The following PTPRD variants were observed in gnomAD, a reference collection of about 807,000 sequenced individuals.
PTPRD encodes the protein protein tyrosine phosphatase receptor type D.
A neutral mutation model predicts 214.5 loss-of-function variants in PTPRD; 34 were observed. The observed-to-expected ratio is 0.16, with a 90% CI of 0.12 to 0.21. PTPRD has a LOEUF of 0.21. Ranked by LOEUF, PTPRD falls within the 10% of genes least tolerant of loss-of-function variation. The pLI is 1.00. For synonymous variants in PTPRD, 1,128 were observed against 845.7 expected, an observed-to-expected ratio of 1.33 and a Z score of -5.79; for missense variants, 2,545 against 2,398.7, an observed-to-expected ratio of 1.06 and a Z score of -1.27.
intron 9 of PTPRD, among the ~76,000 whole-genome samples, chr9:9,281,360 C>T (rs563769619): frequency 2.8e-4 from 42 of 151,336 alleles, no homozygotes; most frequent in African/African-American, 9.7e-4. Flanking sequence ...TAATAAAAGA[C>T]TGTTATTCAA....
intron 11 of PTPRD, among the ~76,000 whole-genome samples, chr9:8,782,028 G>C (rs1016348853): frequency 6.7e-6 from 1 of 149,494 alleles, no homozygotes; most frequent in Non-Finnish European, 1.5e-5. Context: ...TGCATATTAT[G>C]TATGTTTATT....
At chr9:9,179,533 A>T (rs2099926886) in intron 10 of PTPRD, among the ~76,000 whole-genome samples, 2 of 152,138 alleles carry the variant, frequency 1.3e-5, no homozygotes, top group Non-Finnish European at 2.9e-5. Context: ...TTAAGCATCA[A>T]CAGTATTTTA....
At chr9:8,476,439 G>A (rs1156268138) in intron 30 of PTPRD, among the ~76,000 whole-genome samples, 1 of 152,062 alleles carries the variant, frequency 6.6e-6, no homozygotes, top group Non-Finnish European at 1.5e-5. Context: ...CATGGCCCAG[G>A]GGTTGGAGAT....
intron 12 of PTPRD, among the ~76,000 whole-genome samples, chr9:8,728,182 G>A (rs2098608071): frequency 6.6e-6 from 1 of 152,102 alleles, no homozygotes; most frequent in Non-Finnish European, 1.5e-5. Context: ...CCGAGGAGGC[G>A]GAGGTTGCGA....
At chr9:8,779,181 G>A (rs2095600336) in intron 11 of PTPRD, among the ~76,000 whole-genome samples, 1 of 152,142 alleles carries the variant, frequency 6.6e-6, no homozygotes, top group Non-Finnish European at 1.5e-5. Flanking sequence ...ATAACAGCAG[G>A]AAGACAGAGA....
At chr9:8,368,935 G>C (rs772409161) in intron 39 of PTPRD, among the ~76,000 whole-genome samples, 17 of 151,902 alleles carry the variant, frequency 1.1e-4, no homozygotes, top group Admixed American at 7.2e-4. Context: ...GACATAATTT[G>C]TACACTCCAC....
intron 4 of PTPRD, among the ~76,000 whole-genome samples, chr9:10,019,912 A>G (rs922911461): frequency 2.9e-5 from 4 of 136,488 alleles, no homozygotes; most frequent in Non-Finnish European, 6.7e-5. Flanking sequence ...CATGTACCCT[A>G]GAACTTAAAG....
At chr9:8,727,066 A>T (rs1197474479) in intron 12 of PTPRD, among the ~76,000 whole-genome samples, 28 of 152,168 alleles carry the variant, frequency 1.8e-4, no homozygotes, top group Admixed American at 1.8e-3. Flanking sequence ...AAGGGAATAA[A>T]ACCAGGAGAT....
intron 14 of PTPRD, among the ~76,000 whole-genome samples, chr9:8,575,482 C>A (rs2092193091): frequency 6.6e-6 from 1 of 152,086 alleles, no homozygotes; most frequent in Non-Finnish European, 1.5e-5. Flanking sequence ...TGTCTTAATT[C>A]TTGAAAATAA....
rs12000268 is a variant in PTPRD at position 9,069,106 on chromosome 9, C to T, written c.-142-50371G>A. Among the ~76,000 whole-genome samples the T allele has an allele frequency of 8.5e-3, 1,299 of 152,158 alleles. 22 individuals are homozygous for T. Among genetic ancestry groups the T allele is most frequent in the African/African-American group, 0.028 (1,151 of 41,526 alleles). ...GACTACAGTGTATGAGAAAACCTGA[C>T]GGAAGTTCTAAAGATATTGCTATAC... On this transcript the variant is annotated intron_variant, in intron 10 of 45. Transcript: ENST00000381196.
At chr9:10,196,011 G>C (rs1236567276) in intron 3 of PTPRD, among the ~76,000 whole-genome samples, 1 of 151,940 alleles carries the variant, frequency 6.6e-6, no homozygotes, top group Non-Finnish European at 1.5e-5. Flanking sequence ...TGGAGGAGGG[G>C]GATTGACTAT....
chr9:8,471,504 G>A (rs2096652476), intron 30 of PTPRD, among the ~76,000 whole-genome samples: 2 of 152,012 alleles, frequency 1.3e-5, no homozygotes, highest in African/African-American at 4.8e-5. Flanking sequence ...TTCACTCTTA[G>A]CCCACATAAA....
chr9:8,475,595 T>C (rs1468397709), intron 30 of PTPRD, among the ~76,000 whole-genome samples: 1 of 152,190 alleles, frequency 6.6e-6, no homozygotes, highest in African/African-American at 2.4e-5. Context: ...GTTACAAAAG[T>C]ACCCCCAATT....
chr9:8,558,099 A>G (rs1163503292), intron 14 of PTPRD, among the ~76,000 whole-genome samples: 1 of 152,180 alleles, frequency 6.6e-6, no homozygotes, highest in African/African-American at 2.4e-5. Flanking sequence ...TGTGTCAGAC[A>G]ATTTTTAAAA....
At chr9:9,019,855 C>T (rs2099556469) in intron 10 of PTPRD, among the ~76,000 whole-genome samples, 1 of 152,146 alleles carries the variant, frequency 6.6e-6, no homozygotes, top group South Asian at 2.1e-4. Context: ...TTGGCATTTT[C>T]TCAGTGATTT....
intron 8 of PTPRD, among the ~76,000 whole-genome samples, chr9:9,406,605 T>G (rs550071810): frequency 1.6e-4 from 24 of 152,012 alleles, no homozygotes; most frequent in Admixed American, 7.9e-4. Context: ...TTGATATATT[T>G]GATATGTTCT....
chr9:8,468,932 A>G (rs1365659977), intron 31 of PTPRD, among the ~76,000 whole-genome samples: 1 of 152,064 alleles, frequency 6.6e-6, no homozygotes, highest in African/African-American at 2.4e-5. Context: ...TCCAGAAGAT[A>G]TATCAAGGGC....
At chr9:9,673,262 G>C (rs1199808553) in intron 7 of PTPRD, among the ~76,000 whole-genome samples, 5 of 151,660 alleles carry the variant, frequency 3.3e-5, no homozygotes, top group Admixed American at 2.0e-4. Context: ...TTCCACCATT[G>C]AACTATCAGC....
chr9:10,484,661 T>C (rs2099121127), intron 2 of PTPRD, among the ~76,000 whole-genome samples: 1 of 152,106 alleles, frequency 6.6e-6, no homozygotes, highest in South Asian at 2.1e-4. Context: ...CCTTTTCATA[T>C]GTCTGCCATT....
Sources: gnomAD v4.1 joint callset for allele counts (sites outside exome capture counted in the v4.1 genomes callset) on GRCh38, gnomAD v4.1.1 for gene constraint, MANE v1.5 for transcripts, NCBI Gene and HGNC (gene_info 2026-07-23, HGNC 2026-07-21) for gene names.